The following PTPRD variants were observed in gnomAD, a reference collection of about 807,000 sequenced individuals.
PTPRD encodes the protein receptor-type tyrosine-protein phosphatase delta.
In PTPRD, 34 loss-of-function variants were observed where a neutral mutation model predicts 214.5. The observed-to-expected ratio is 0.16, with a 90% CI of 0.12 to 0.21. The LOEUF (loss-of-function observed/expected upper bound fraction) is 0.21. Among genes scored for constraint, PTPRD ranks in the 10% least tolerant of loss-of-function variants. The probability of loss-of-function intolerance (pLI) is 1.00; values close to 1 mark genes in which losing one functional copy is unlikely to be tolerated. For synonymous variants in PTPRD, 1,128 were observed against 845.7 expected (o/e 1.33, Z -5.79); for missense variants, 2,545 against 2,398.7 (o/e 1.06, Z -1.27).
chr9:9,301,845 T>C (rs1955441102), intron 9 of PTPRD, among the ~76,000 whole-genome samples: 1 of 151,942 alleles, frequency 6.6e-6, no homozygotes, highest in East Asian at 1.9e-4. Context: ...CCCAAATTCA[T>C]ACTTTTGTGA....
chr9:8,318,190 G>A (rs749451486), intron 45 of PTPRD, among the ~76,000 whole-genome samples: 12 of 151,886 alleles, frequency 7.9e-5, no homozygotes, highest in African/African-American at 2.4e-4. Flanking sequence ...GTGGCAGGTC[G>A]AGTGAACATT....
At chr9:9,854,858 C>T (rs946498796) in intron 5 of PTPRD, among the ~76,000 whole-genome samples, 2 of 152,156 alleles carry the variant, frequency 1.3e-5, no homozygotes, top group Non-Finnish European at 2.9e-5. Flanking sequence ...TACTCAAAAA[C>T]TTCCAGGAGA....
intron 6 of PTPRD, among the ~76,000 whole-genome samples, chr9:9,750,942 T>C (rs1014447400): frequency 3.0e-4 from 46 of 152,106 alleles, no homozygotes; most frequent in African/African-American, 1.1e-3. Flanking sequence ...TGGCTTCACA[T>C]GTCGCAATCA....
chr9:8,550,730 T>C (rs185509718), intron 14 of PTPRD, among the ~76,000 whole-genome samples: 1 of 152,310 alleles, frequency 6.6e-6, no homozygotes, highest in Admixed American at 6.5e-5. Context: ...AGCCCTAAGA[T>C]TTCTTAATAG....
chr9:10,142,810 A>T lies in PTPRD; in HGVS notation c.-544-109020T>A, dbSNP rs954658824. Among the ~76,000 whole-genome samples, 3 of 146,708 alleles carry T rather than the reference A, an allele frequency of 2.0e-5. No homozygotes were observed. The East Asian group carries it at 5.9e-4, about 29-fold the overall frequency. ...AAAGGACTATAAATCATGCTGCTAT[A>T]AAGACACATGCACACGTATGTTTAT... On this transcript the variant is annotated intron_variant, in intron 3 of 45. Coordinates refer to ENST00000381196, the MANE Select transcript of PTPRD (RefSeq NM_002839.4).
At chr9:9,899,829 A>T (rs1261787385) in intron 5 of PTPRD, among the ~76,000 whole-genome samples, 1 of 152,140 alleles carries the variant, frequency 6.6e-6, no homozygotes, top group Non-Finnish European at 1.5e-5. Context: ...GATAAAGAAG[A>T]TTTATTATAC....
At chr9:8,671,509 A>C (rs1295058360) in intron 12 of PTPRD, among the ~76,000 whole-genome samples, 1 of 152,184 alleles carries the variant, frequency 6.6e-6, no homozygotes, top group Non-Finnish European at 1.5e-5. Flanking sequence ...ACTTATTGCT[A>C]GAATTTTCCT....
At chr9:8,749,465 G>C (rs186576313) in intron 11 of PTPRD, among the ~76,000 whole-genome samples, 178 of 152,306 alleles carry the variant, frequency 1.2e-3, no homozygotes, top group African/African-American at 4.1e-3. Context: ...TGGGATTACA[G>C]GCGTGAGCCA....
chr9:10,545,251 T>C (rs906998361), intron 2 of PTPRD, among the ~76,000 whole-genome samples: 1 of 152,158 alleles, frequency 6.6e-6, no homozygotes, highest in Non-Finnish European at 1.5e-5. Flanking sequence ...TGATGGAAGA[T>C]GCAAAGTGGG....
At chr9:8,876,905 A>C (rs955761376) in intron 11 of PTPRD, among the ~76,000 whole-genome samples, 1 of 151,414 alleles carries the variant, frequency 6.6e-6, no homozygotes, top group African/African-American at 2.4e-5. Context: ...CCTTTCCTTT[A>C]CCACCCTGTT....
intron 7 of PTPRD, among the ~76,000 whole-genome samples, chr9:9,593,798 C>T (rs879490963): frequency 1.3e-5 from 2 of 152,028 alleles, no homozygotes; most frequent in African/African-American, 4.8e-5. Flanking sequence ...TTTCCATTCA[C>T]TTGTAATCTG....
Position 8,500,881 on chromosome 9 carries a change from C to G in PTPRD, c.2001G>C (p.Ser667=), listed in dbSNP as rs138805005. 2 of 1,614,036 alleles carry G rather than the reference C, an allele frequency of 1.2e-6. No homozygotes were observed. Among genetic ancestry groups the G allele is most frequent in the Non-Finnish European group, 1.7e-6 (2 of 1,180,002 alleles). Residue 667 remains serine, a synonymous_variant, in exon 24 of 46, where the codon TCG becomes TCC. Coordinates refer to ENST00000381196, the MANE Select transcript of PTPRD (RefSeq NM_002839.4). ...GTTCCAAAAGGTATTTGGTAGTGTC[C>G]GAAGGAATTCCCAAAATCTCGTGAG... The part of the protein sequence containing the change: ...DKPHEILGIP[S]DTTKYLLEQL...
chr9:10,239,189 T>G (rs544431276), intron 3 of PTPRD, among the ~76,000 whole-genome samples: 26 of 152,080 alleles, frequency 1.7e-4, no homozygotes, highest in Admixed American at 8.5e-4. Context: ...AGACTTTCCT[T>G]TAAATCAATA....
chr9:9,623,734 GAATCTCATATAT>G (rs2095325282), intron 7 of PTPRD, among the ~76,000 whole-genome samples: 1 of 152,162 alleles, frequency 6.6e-6, no homozygotes, highest in South Asian at 2.1e-4. Context: ...TGCTGAATTA[GAATCTCATATAT>G]ACTAAAGCTT....
chr9:9,879,242 A>C (rs772774278), intron 5 of PTPRD, among the ~76,000 whole-genome samples: 47 of 152,168 alleles, frequency 3.1e-4, no homozygotes, highest in Non-Finnish European at 5.4e-4. Flanking sequence ...TAGTATTAAC[A>C]TTTGAGACAG....
intron 7 of PTPRD, among the ~76,000 whole-genome samples, chr9:9,592,695 A>T (rs535618958): frequency 6.6e-6 from 1 of 152,134 alleles, no homozygotes; most frequent in Admixed American, 6.6e-5. Context: ...AAGCAAACAG[A>T]TGAACAATTC....
intron 3 of PTPRD, among the ~76,000 whole-genome samples, chr9:10,280,424 T>C (rs1482254210): frequency 6.6e-6 from 1 of 151,814 alleles, no homozygotes; most frequent in Non-Finnish European, 1.5e-5. Context: ...CCTAAAAGCA[T>C]AGACCATCTC....
intron 32 of PTPRD, among the ~76,000 whole-genome samples, chr9:8,464,591 T>A (rs555032552): frequency 3.9e-5 from 6 of 151,938 alleles, no homozygotes; most frequent in Non-Finnish European, 7.4e-5. Context: ...CTGGCTCAAC[T>A]GGGTTGCCAC....
intron 11 of PTPRD, among the ~76,000 whole-genome samples, chr9:8,751,420 GAAA>G (rs57993186): frequency 6.6e-6 from 1 of 150,872 alleles, no homozygotes; most frequent in Admixed American, 6.6e-5. Context: ...AAAAAGAAAA[GAAA>G]AAAAAATATT....
Sources: gnomAD v4.1 joint callset for allele counts (sites outside exome capture counted in the v4.1 genomes callset) on GRCh38, gnomAD v4.1.1 for gene constraint, MANE v1.5 for transcripts, NCBI Gene and HGNC (gene_info 2026-07-23, HGNC 2026-07-21) for gene names.